The following ELOVL4 variants were observed in gnomAD, a reference collection of about 807,000 sequenced individuals.
The protein encoded by ELOVL4 is ELOVL fatty acid elongase 4.
In ELOVL4, 18 loss-of-function variants were observed where a neutral mutation model predicts 42.1. That is an observed-to-expected ratio of 0.43 (90% CI 0.30 to 0.63). ELOVL4 has a LOEUF of 0.63. Ranked by LOEUF, ELOVL4 falls within the 30% of genes least tolerant of loss-of-function variation. ELOVL4 has a pLI of 0.15. For synonymous variants in ELOVL4, 117 were observed against 127.0 expected (o/e 0.92, Z 0.53); for missense variants, 299 against 376.2 (o/e 0.79, Z 1.70).
intron 1 of ELOVL4, among the ~76,000 whole-genome samples, chr6:79,935,654 A>G (rs1374593823): frequency 6.6e-6 from 1 of 152,220 alleles, no homozygotes; most frequent in African/African-American, 2.4e-5. Context: ...GGCCCTTTTG[A>G]TTCAGGTAAA....
intron 1 of ELOVL4, among the ~76,000 whole-genome samples, chr6:79,938,602 C>G (rs1774588979): frequency 6.6e-6 from 1 of 152,198 alleles, no homozygotes; most frequent in Non-Finnish European, 1.5e-5. Flanking sequence ...ACCATCTTCT[C>G]AGGCTAAATA....
intron 1 of ELOVL4, among the ~76,000 whole-genome samples, chr6:79,928,781 C>G (rs1355109647): frequency 8.7e-6 from 1 of 115,048 alleles, no homozygotes; most frequent in Non-Finnish European, 1.6e-5. Context: ...ATTCTATTGT[C>G]CAGACTAGAG....
At chr6:79,927,296 GT>G (rs1221813535) in intron 1 of ELOVL4, among the ~76,000 whole-genome samples, 1 of 152,002 alleles carries the variant, frequency 6.6e-6, no homozygotes, top group African/African-American at 2.4e-5. Context: ...CTAAACAACA[GT>G]TGAAGGTTGC....
intron 1 of ELOVL4, among the ~76,000 whole-genome samples, chr6:79,946,732 T>G (rs1774749264): frequency 6.6e-6 from 1 of 152,218 alleles, no homozygotes. Flanking sequence ...AGAAACCTCC[T>G]GTACCTTCAG....
chr6:79,933,792 T>G (rs1216451138), intron 1 of ELOVL4, among the ~76,000 whole-genome samples: 1 of 152,130 alleles, frequency 6.6e-6, no homozygotes, highest in South Asian at 2.1e-4. Flanking sequence ...TGGAGACCAC[T>G]AGGACATAAG....
Position 79,915,792 on chromosome 6 carries a change from TATG to T in ELOVL4, c.*813_*815del, listed in dbSNP as rs1774148808. 6.6e-6 allele frequency: 1 copy of T among 151,006 alleles called. No individual in the cohort carries two copies. The highest frequency in any genetic ancestry group is 1.5e-5 in the Non-Finnish European group (1 of 67,788). 9.4% of individuals were successfully genotyped at this position (151,006 alleles called of 1,614,324 possible). A position where few individuals can be genotyped will look rare whatever the true frequency, so the allele number is the denominator to read the frequency against. On this transcript the variant is annotated 3_prime_UTR_variant, in exon 6 of 6. Coordinates refer to ENST00000369816, the MANE Select transcript of ELOVL4 (RefSeq NM_022726.4). ...TAACAGCACATAAATGTAACTATCT[TATG>T]ATGTTACTAATAAAGACATGAGTTG...
intron 1 of ELOVL4, among the ~76,000 whole-genome samples, chr6:79,939,512 T>C (rs550862597): frequency 6.9e-6 from 1 of 145,596 alleles, no homozygotes; most frequent in East Asian, 2.0e-4. Flanking sequence ...ACTTTATTTA[T>C]TTATTTATTT....
chr6:79,920,763 C>T (rs1419151346), intron 4 of ELOVL4, among the ~76,000 whole-genome samples: 1 of 152,162 alleles, frequency 6.6e-6, no homozygotes, highest in Non-Finnish European at 1.5e-5. Flanking sequence ...TGGAAAAGGG[C>T]TAAGAGGGTC....
chr6:79,926,616 A>G (rs1342288618), intron 1 of ELOVL4, among the ~76,000 whole-genome samples: 1 of 152,248 alleles, frequency 6.6e-6, no homozygotes, highest in Non-Finnish European at 1.5e-5. Context: ...TATGTTTTAC[A>G]GAGACCCTAC....
At chr6:79,932,437 C>A (rs766157286) in intron 1 of ELOVL4, among the ~76,000 whole-genome samples, 13 of 151,310 alleles carry the variant, frequency 8.6e-5, no homozygotes, top group Non-Finnish European at 1.9e-4. Context: ...CCCAGCTACT[C>A]GGGAGGCTGA....
chr6:79,944,987 CAAAAA>C lies in ELOVL4; in HGVS notation c.100+2188_100+2192del, dbSNP rs200726708. Among the ~76,000 whole-genome samples the C allele has an allele frequency of 7.0e-4, 65 of 92,992 alleles. No homozygotes were observed. In the East Asian group the frequency reaches 9.0e-3, roughly 13 times the overall value. The allele number at this position is 92,992 out of a possible 152,430, so 61.0% of individuals were successfully genotyped here. A position where few individuals can be genotyped will look rare whatever the true frequency, so the allele number is the denominator to read the frequency against. The stretch of plus-strand genomic sequence containing the variant: ...GGAATCAGAGCAGAGTGAATGAGTC[CAAAAA>C]AAAAAAAAAAAAAAAAAAAGGAACA... On this transcript the variant is annotated intron_variant, in intron 1 of 5. Coordinates refer to ENST00000369816, the MANE Select transcript of ELOVL4 (RefSeq NM_022726.4).
chr6:79,921,919 A>G, intron 3 of ELOVL4, 123 bp from the exon 4 acceptor site: 2 of 920,140 alleles, frequency 2.2e-6, no homozygotes, highest in Non-Finnish European at 3.4e-6. Flanking sequence ...GCATGGAATC[A>G]TTAATGGCTA....
intron 3 of ELOVL4, among the ~76,000 whole-genome samples, chr6:79,923,568 G>A (rs1462853233): frequency 2.6e-5 from 4 of 152,138 alleles, no homozygotes; most frequent in African/African-American, 9.7e-5. Flanking sequence ...ATAGTTATCA[G>A]AAGAAAATTT....
chr6:79,924,815 A>T (rs1277168216), intron 3 of ELOVL4, 137 bp downstream of exon 3: 2 of 652,672 alleles, frequency 3.1e-6, no homozygotes, highest in African/African-American at 3.6e-5. Flanking sequence ...AGTCTGGGGG[A>T]CAGAGCAAGA....
chr6:79,934,518 C>T (rs1243780832), intron 1 of ELOVL4, among the ~76,000 whole-genome samples: 1 of 152,134 alleles, frequency 6.6e-6, no homozygotes, highest in Non-Finnish European at 1.5e-5. Context: ...GCAGCCTATT[C>T]TCTCCCAAAT....
chr6:79,930,397 T>G (rs1280292372), intron 1 of ELOVL4, among the ~76,000 whole-genome samples: 2 of 152,172 alleles, frequency 1.3e-5, no homozygotes, highest in Admixed American at 6.5e-5. Context: ...CAACCCCTAA[T>G]CCACAGCATA....
At position 79,947,420 on chromosome 6, in the gene ELOVL4, C is replaced by T. The variant is rs1774770910; in HGVS notation, c.-141G>A. 1 of 681,024 alleles carries T rather than the reference C, an allele frequency of 1.5e-6. No homozygotes were observed. The allele number at this position is 681,024 out of a possible 1,614,324, so 42.2% of individuals were successfully genotyped here. A position where few individuals can be genotyped will look rare whatever the true frequency, so the allele number is the denominator to read the frequency against. ...GGCGGCCCGGCTGCGTCTTCTCCTG[C>T]TCCTCAAGGCGCCGCGGCGGCGGGG... On this transcript the variant is annotated 5_prime_UTR_variant, in exon 1 of 6. Coordinates refer to ENST00000369816, the MANE Select transcript of ELOVL4 (RefSeq NM_022726.4).
chr6:79,947,129 G>C (rs1201073974), intron 1 of ELOVL4, 51 bp downstream of exon 1: 8 of 1,471,262 alleles, frequency 5.4e-6, no homozygotes, highest in Non-Finnish European at 7.5e-6. Context: ...ACCAGGGGCC[G>C]GTGACCCCCC....
At chr6:79,932,888 T>C (rs868319235) in intron 1 of ELOVL4, among the ~76,000 whole-genome samples, 1 of 151,630 alleles carries the variant, frequency 6.6e-6, no homozygotes, top group Non-Finnish European at 1.5e-5. Flanking sequence ...CACAGACATT[T>C]GAACTTTTTT....
Sources: gnomAD v4.1 joint callset for allele counts (sites outside exome capture counted in the v4.1 genomes callset) on GRCh38, gnomAD v4.1.1 for gene constraint, MANE v1.5 for transcripts, NCBI Gene and HGNC (gene_info 2026-07-23, HGNC 2026-07-21) for gene names.